Variants in RNF43 observed in about 807,000 individuals in gnomAD.
RNF43 encodes ring finger protein 43, also known as E3 ubiquitin-protein ligase RNF43.
In RNF43, 37 loss-of-function variants were observed where a neutral mutation model predicts 78.4. The ratio of observed to expected loss-of-function variants is 0.47; its 90% CI spans 0.36 to 0.62. RNF43 has a LOEUF of 0.62. Ranked by LOEUF, RNF43 falls within the 20% of genes least tolerant of loss-of-function variation. The pLI is 0.00. For missense variants in RNF43, 774 were observed against 1,007.9 expected (o/e 0.77, Z 3.14); for synonymous variants, 347 against 395.0 (o/e 0.88, Z 1.44).
chr17:58,403,435 AG>A (rs927795858), intron 2 of RNF43, among the ~76,000 whole-genome samples: 1 of 152,190 alleles, frequency 6.6e-6, no homozygotes, highest in Non-Finnish European at 1.5e-5. Flanking sequence ...GAGAAAGAAA[AG>A]GTTTTTCTGA....
At chr17:58,370,040 T>C (rs1973046224) in intron 3 of RNF43, among the ~76,000 whole-genome samples, 1 of 145,014 alleles carries the variant, frequency 6.9e-6, no homozygotes, top group African/African-American at 2.6e-5. Context: ...AGGTTTCTTC[T>C]AAAGAAGCTG....
rs1485601073 is a variant in RNF43, at chr17:58,417,016, C to G, written c.-386+1G>C. 6.6e-6 allele frequency: 1 copy of G among 152,136 alleles called. No individual in the cohort carries two copies. Among genetic ancestry groups the G allele is most frequent in the Admixed American group, 6.5e-5 (1 of 15,276 alleles). The allele number at this position is 152,136 out of a possible 1,614,324, so 9.4% of individuals were successfully genotyped here. Reference sequence around the variant, plus strand: ...AGGAATTTCAAAAGAAATCTGCAAACCTGTTGCGCTGTCGGGCCCACTGGA... The same window carrying G: ...AGGAATTTCAAAAGAAATCTGCAAAGCTGTTGCGCTGTCGGGCCCACTGGA... On this transcript the variant is annotated splice_donor_variant, in intron 1 of 9. Coordinates refer to ENST00000407977, the MANE Select transcript of RNF43 (RefSeq NM_017763.6). LOFTEE classifies it low-confidence loss of function (5UTR_SPLICE).
chr17:58,368,421 A>G (rs555818530), intron 3 of RNF43, among the ~76,000 whole-genome samples: 7 of 152,160 alleles, frequency 4.6e-5, no homozygotes, highest in African/African-American at 1.7e-4. Flanking sequence ...GGTGGTGGGC[A>G]CCTGTAATCC....
intron 3 of RNF43, among the ~76,000 whole-genome samples, chr17:58,368,414 G>C (rs1386629792): frequency 1.3e-5 from 2 of 152,156 alleles, no homozygotes; most frequent in African/African-American, 4.8e-5. Flanking sequence ...CAGGCGTGGT[G>C]GTGGGCACCT....
At chr17:58,400,083 A>C (rs1160364997) in intron 2 of RNF43, among the ~76,000 whole-genome samples, 1 of 152,218 alleles carries the variant, frequency 6.6e-6, no homozygotes, top group Non-Finnish European at 1.5e-5. Context: ...CACCTCATTG[A>C]TCATGGAAGG....
chr17:58,371,280 T>G (rs1331021423), intron 2 of RNF43, among the ~76,000 whole-genome samples: 2 of 152,186 alleles, frequency 1.3e-5, no homozygotes. Context: ...AGAGGGGACC[T>G]AAATGAAGAG....
chr17:58,404,507 T>C (rs1973865115), intron 2 of RNF43, among the ~76,000 whole-genome samples: 1 of 152,252 alleles, frequency 6.6e-6, no homozygotes, highest in South Asian at 2.1e-4. Context: ...TTTAAATGTT[T>C]AATGTATGTC....
intron 2 of RNF43, among the ~76,000 whole-genome samples, chr17:58,402,003 G>A (rs1973810593): frequency 6.6e-6 from 1 of 152,176 alleles, no homozygotes. Flanking sequence ...ATGATTCCAT[G>A]AAAGAGACGG....
intron 2 of RNF43, among the ~76,000 whole-genome samples, chr17:58,375,213 T>C (rs756466443): frequency 5.3e-5 from 8 of 152,196 alleles, no homozygotes; most frequent in Non-Finnish European, 1.2e-4. Flanking sequence ...TCTAAAATGC[T>C]AACTTGAGCA....
At position 58,363,337 on chromosome 17, in the gene RNF43, C is replaced by T; in HGVS notation, c.520G>A (p.Glu174Lys). ...GCCTTTTGGTTCTTGTACACAAACT[C>T]CATCAGCTTCTCAGCGTCATTACCC... ...IWGNDAEKLM[E>K]FVYKNQKAHV... Residue 174 changes from glutamate (E) to lysine (K), a missense_variant, in exon 5 of 10, where the codon GAG becomes AAG. Physicochemically the swap from Glu to Lys is moderately conservative, Grantham distance 56. Transcript: ENST00000407977. 6.2e-7 allele frequency: 1 copy of T among 1,614,170 alleles called. No homozygotes were observed. The highest frequency in any genetic ancestry group is 8.5e-7 in the Non-Finnish European group (1 of 1,180,026).
chr17:58,368,753 C>G (rs1973010068), intron 3 of RNF43, among the ~76,000 whole-genome samples: 1 of 151,754 alleles, frequency 6.6e-6, no homozygotes, highest in Admixed American at 6.6e-5. Flanking sequence ...GATGTTCTAC[C>G]AAACTAACTA....
intron 3 of RNF43, among the ~76,000 whole-genome samples, chr17:58,365,189 C>T (rs1972925130): frequency 1.3e-5 from 2 of 152,178 alleles, no homozygotes; most frequent in African/African-American, 2.4e-5. Flanking sequence ...CAGGTAGAGA[C>T]TTTCCAATCT....
rs1035858875 is a variant in RNF43 at position 58,357,637 on chromosome 17, T to A, written c.2139A>T (p.Glu713Asp). ...PPGLDKRLLP[E>D]TPGPCYSNSQ... ...AATTTGAGTAACAGGGGCCTGGGGT[T>A]TCTGGTAGCAGCCTCTTGTCCAGGC... Residue 713 changes from glutamate (E) to aspartate (D), a missense_variant, in exon 9 of 10, where the codon GAA (glutamate) becomes GAT (aspartate). Glu to Asp is a conservative substitution (Grantham distance 45). Coordinates refer to ENST00000407977, the MANE Select transcript of RNF43 (RefSeq NM_017763.6). The surrounding 1 kb of genome is among the most constrained non-coding windows in gnomAD (Gnocchi z 4.5). 1.9e-6 allele frequency: 3 copies of A among 1,613,358 alleles called. No homozygotes were observed. The highest frequency in any genetic ancestry group is 2.5e-6 in the Non-Finnish European group (3 of 1,179,812).
chr17:58,352,717 A>G (rs1972585362), downstream of RNF43: 1 of 207,756 alleles, frequency 4.8e-6, no homozygotes. Context: ...TCCCACAGGA[A>G]TGCTGGCCTG....
At chr17:58,376,254 T>C (rs757559064) in intron 2 of RNF43, among the ~76,000 whole-genome samples, 1 of 152,158 alleles carries the variant, frequency 6.6e-6, no homozygotes, top group Non-Finnish European at 1.5e-5. Flanking sequence ...AGGGGTCCCT[T>C]GGATATCTTG....
At chr17:58,398,456 T>C (rs1296500072) in intron 2 of RNF43, among the ~76,000 whole-genome samples, 1 of 152,224 alleles carries the variant, frequency 6.6e-6, no homozygotes, top group East Asian at 1.9e-4. Flanking sequence ...AAATTCCAGT[T>C]AATTTATTAT....
chr17:58,361,381 T>C (rs532156067), intron 6 of RNF43, among the ~76,000 whole-genome samples: 10 of 152,330 alleles, frequency 6.6e-5, no homozygotes, highest in Non-Finnish European at 1.5e-5. Flanking sequence ...TCCTCTCATA[T>C]CCCACAATCA....
Position 58,358,964 on chromosome 17 carries a change from A to G in RNF43, c.953-141T>C. ...GTTTGGGGGATCAAGGACGTGCCTA[A>G]GCTGCCTGTGCTCTGGGACTCCTTT... On this transcript the variant is annotated intron_variant, in intron 8 of 9. Transcript: ENST00000407977. The surrounding 1 kb of genome is among the most constrained non-coding windows in gnomAD (Gnocchi z 6.2). 1.1e-6 allele frequency: 1 copy of G among 918,846 alleles called. No individual in the cohort carries two copies. The highest frequency in any genetic ancestry group is 1.5e-6 in the Non-Finnish European group (1 of 646,528). The allele number at this position is 918,846 out of a possible 1,614,324, so 56.9% of individuals were successfully genotyped here.
intron 2 of RNF43, among the ~76,000 whole-genome samples, chr17:58,412,823 T>G (rs1356994072): frequency 7.0e-6 from 1 of 142,628 alleles, no homozygotes; most frequent in East Asian, 2.0e-4. Context: ...AACAACATGG[T>G]TTTTTTTTTT....
Sources: gnomAD v4.1 joint callset for allele counts (sites outside exome capture counted in the v4.1 genomes callset) on GRCh38, gnomAD v4.1.1 for gene constraint, Gnocchi (gnomAD v3.1) non-coding constraint, MANE v1.5 for transcripts, NCBI Gene and HGNC (gene_info 2026-07-23, HGNC 2026-07-21) for gene names.